The following KIAA1671 variants were observed in gnomAD, a reference collection of about 807,000 sequenced individuals.
KIAA1671 encodes KIAA1671.
KIAA1671 carries 52 observed loss-of-function variants against 131.2 expected under a neutral mutation model. The observed-to-expected ratio is 0.40, with a 90% CI of 0.32 to 0.50. The LOEUF is 0.50. KIAA1671 is among the 20% of genes least tolerant of loss of function. The pLI is 0.73. For synonymous variants in KIAA1671, 1,003 were observed against 961.6 expected, an observed-to-expected ratio of 1.04 and a Z score of -0.80; for missense variants, 2,360 against 2,364.2, an observed-to-expected ratio of 1.00 and a Z score of 0.04.
chr22:25,033,688 C>T (rs1202979258), intron 4 of KIAA1671, among the ~76,000 whole-genome samples: 8 of 141,420 alleles, frequency 5.7e-5, no homozygotes, highest in Non-Finnish European at 1.2e-4. Context: ...AAGCAATTCT[C>T]CTGCCTCAGC....
At chr22:25,151,202 G>T (rs1413128784) in intron 6 of KIAA1671, among the ~76,000 whole-genome samples, 1 of 151,656 alleles carries the variant, frequency 6.6e-6, no homozygotes, top group Non-Finnish European at 1.5e-5. Context: ...TTTATAGAGA[G>T]AAACAAGAAC....
rs775894123 is a variant in KIAA1671, at chr22:25,020,759, G to A, written c.-207-4874G>A. 3.1e-3 allele frequency among the ~76,000 whole-genome samples: 472 copies of A among 152,314 alleles called. 1 individual carries two copies. Among genetic ancestry groups the A allele is most frequent in the Non-Finnish European group, 4.8e-3 (325 of 68,036 alleles). ...AAGGGCAGTGCAGAGGCATGAAGGC[G>A]AGAAAGCGTACACTGTGTTTTGTGG... On this transcript the variant is annotated intron_variant, in intron 1 of 12. Coordinates refer to ENST00000358431, the MANE Select transcript of KIAA1671 (RefSeq NM_001145206.2).
intron 6 of KIAA1671, among the ~76,000 whole-genome samples, chr22:25,074,789 A>G (rs915460333): frequency 3.3e-5 from 5 of 152,128 alleles, no homozygotes; most frequent in Non-Finnish European, 2.9e-5. Context: ...GCAACTGGAC[A>G]CTTCGGGTGT....
chr22:25,028,045 G>A lies in KIAA1671; in HGVS notation c.46G>A (p.Val16Met), dbSNP rs1284441781. The change falls in exon 3 of 13, where the codon GTG becomes ATG. Residue 16 changes from valine to methionine, a missense_variant. Physicochemically the swap from Val to Met is conservative, Grantham distance 21 (BLOSUM62 1). Around this residue, in one of 3 missense-constraint regions of KIAA1671, gnomAD observed 1,185 missense variants for 1,126.2 expected, o/e 1.05. Transcript: ENST00000358431. ...EVGSITPLTA[V>M]PGLGEMGKEE... ...GGGCTCCATAACGCCCTTGACGGCCGTGCCAGGCCTGGGTGAGATGGGCAA... is the reference window on the plus strand; with the variant it reads ...GGGCTCCATAACGCCCTTGACGGCCATGCCAGGCCTGGGTGAGATGGGCAA... 18 of 1,536,250 alleles carry A rather than the reference G, an allele frequency of 1.2e-5. No homozygotes were observed. The African/African-American group carries it at 1.4e-4, about 12-fold the overall frequency.
chr22:25,099,537 GTTTTTTTGTTTTTTTTTTTTTTTT>G (rs766689357), intron 6 of KIAA1671, among the ~76,000 whole-genome samples: 2 of 112,102 alleles, frequency 1.8e-5, no homozygotes, highest in Non-Finnish European at 1.7e-5. Flanking sequence ...CAAAATGTGG[GTTTTTTTGTTTTTTTTTTTTTTTT>G]TTTTTTTTTT....
chr22:25,076,539 G>GCAA (rs1194885945), intron 6 of KIAA1671, among the ~76,000 whole-genome samples: 1 of 152,148 alleles, frequency 6.6e-6, no homozygotes, highest in Non-Finnish European at 1.5e-5. Context: ...TGCTGGTCCA[G>GCAA]CAACAGTTGG....
At position 25,041,333 on chromosome 22, in the gene KIAA1671, G is replaced by A. The variant is rs1243432153; in HGVS notation, c.4203G>A (p.Val1401=). 4 of 1,551,604 alleles carry A rather than the reference G, an allele frequency of 2.6e-6. No homozygotes were observed. The African/African-American group carries it at 5.5e-5, about 21-fold the overall frequency. The change falls in exon 5 of 13, where the codon GTG becomes GTA. Residue 1401 remains valine, a synonymous_variant. Coordinates refer to ENST00000358431, the MANE Select transcript of KIAA1671 (RefSeq NM_001145206.2). ...WGDHPRDCGR[V]PLDIKRAYSE... Reference sequence around the variant, plus strand: ...ACCACCCACGTGACTGTGGACGGGTGCCGCTGGATATCAAGAGGGCCTACT... The same window carrying A: ...ACCACCCACGTGACTGTGGACGGGTACCGCTGGATATCAAGAGGGCCTACT...
intron 6 of KIAA1671, among the ~76,000 whole-genome samples, chr22:25,138,611 C>T (rs987167295): frequency 6.6e-6 from 1 of 152,202 alleles, no homozygotes; most frequent in South Asian, 2.1e-4. Context: ...CACCTATTCT[C>T]ATGTACAGCC....
At chr22:24,988,899 C>T (rs1923693551) in intron 1 of KIAA1671, among the ~76,000 whole-genome samples, 1 of 152,068 alleles carries the variant, frequency 6.6e-6, no homozygotes, top group African/African-American at 2.4e-5. Flanking sequence ...TCTTCCCCAT[C>T]TCACAGTTGG....
At chr22:25,121,953 A>G (rs965242295) in intron 6 of KIAA1671, among the ~76,000 whole-genome samples, 1 of 152,180 alleles carries the variant, frequency 6.6e-6, no homozygotes, top group African/African-American at 2.4e-5. Context: ...CAGTATACGC[A>G]GCTGGTTAAG....
In KIAA1671 at chr22:24,975,572, C is replaced by T. The variant is rs151295257; in HGVS notation, c.-208+22800C>T. On this transcript the variant is annotated intron_variant, in intron 1 of 12. Transcript: ENST00000358431. ...CTGAAATTACAGCTGTGAGCCACTG[C>T]GCCTGGCTGTGACCAGTGCTTATTG... 4.3e-4 allele frequency among the ~76,000 whole-genome samples: 65 copies of T among 152,030 alleles called. No homozygotes were observed. The South Asian group carries it at 5.6e-3, about 13-fold the overall frequency.
intron 5 of KIAA1671, among the ~76,000 whole-genome samples, chr22:25,048,232 G>A (rs1215965529): frequency 6.6e-6 from 1 of 152,212 alleles, no homozygotes; most frequent in African/African-American, 2.4e-5. Flanking sequence ...GATGTTGAGT[G>A]AGCAGTGGGA....
intron 6 of KIAA1671, among the ~76,000 whole-genome samples, chr22:25,067,999 G>A (rs995831524): frequency 3.3e-5 from 5 of 152,270 alleles, no homozygotes; most frequent in Admixed American, 1.3e-4. Context: ...CAGCGGTGCC[G>A]CCAGTGCAGA....
intron 1 of KIAA1671, among the ~76,000 whole-genome samples, chr22:24,973,920 G>A (rs570243588): frequency 2.0e-4 from 30 of 152,166 alleles, no homozygotes; most frequent in Non-Finnish European, 3.7e-4. Context: ...AGTGATGACT[G>A]TATATTAATA....
Position 25,039,537 on chromosome 22 carries a change from C to T in KIAA1671, c.2407C>T (p.Arg803Ter). ...VQRASLIWEA[R>*]GMPEASGPKF... Reference sequence around the variant, plus strand: ...AAGGGCCAGTTTGATTTGGGAAGCTCGAGGCATGCCTGAGGCTAGTGGACC... The same window carrying T: ...AAGGGCCAGTTTGATTTGGGAAGCTTGAGGCATGCCTGAGGCTAGTGGACC... Residue 803 changes from arginine (R) to a stop codon, truncating the protein, a stop_gained, in exon 5 of 13, where the codon CGA becomes TGA. Transcript: ENST00000358431. LOFTEE classifies it high-confidence loss of function. The T allele has an allele frequency of 2.6e-6, 4 of 1,551,810 alleles. No individual in the cohort carries two copies. Among genetic ancestry groups the T allele is most frequent in the South Asian group, 1.2e-5 (1 of 84,068 alleles).
In KIAA1671 at chr22:25,028,572, G is replaced by T. The variant is rs1926094113; in HGVS notation, c.573G>T (p.Gly191=). 6.4e-7 allele frequency: 1 copy of T among 1,550,396 alleles called. No individual in the cohort carries two copies. Among genetic ancestry groups the T allele is most frequent in the South Asian group, 1.2e-5 (1 of 84,058 alleles). The change falls in exon 3 of 13, where the codon GGG becomes GGT. Residue 191 remains glycine, a synonymous_variant. Transcript: ENST00000358431. The part of the protein sequence containing the change: ...KPALPTQKPA[G]TLPRSAPLSQ... ...CCCTGCCCACCCAGAAGCCTGCGGG[G>T]ACCCTTCCCCGGTCAGCTCCCCTGT...
At chr22:25,188,464 GTGTGTGTGTGTGTGTGTGTGT>G (rs1934553190) in intron 11 of KIAA1671, among the ~76,000 whole-genome samples, 1 of 150,882 alleles carries the variant, frequency 6.6e-6, no homozygotes. Context: ...GTGTGTGTGT[GTGTGTGTGTGTGTGTGTGTGT>G]GTGTGTGTAA....
At chr22:25,175,905 G>A (rs1345156204) in intron 8 of KIAA1671, 1 of 152,254 alleles carries the variant, frequency 6.6e-6, no homozygotes, top group Non-Finnish European at 1.5e-5. Flanking sequence ...TGGGTCTCCT[G>A]TGGGGATACT....
chr22:25,185,637 C>T (rs2146043662), intron 11 of KIAA1671: 1 of 152,554 alleles, frequency 6.6e-6, no homozygotes, highest in South Asian at 2.1e-4. Context: ...CCAAGAGGCT[C>T]TCAGGCTCTC....
Sources: allele counts gnomAD v4.1 joint callset (sites outside exome capture counted in the v4.1 genomes callset), GRCh38; gene constraint gnomAD v4.1.1; regional missense constraint gnomAD v4.1.1; transcripts MANE v1.5; gene names NCBI Gene and HGNC (gene_info 2026-07-23, HGNC 2026-07-21).